CYP2C8: variants seen among roughly 807,000 people sequenced by gnomAD.
The protein encoded by CYP2C8 is cytochrome P450 family 2 subfamily C member 8.
Under a neutral mutation model 41.3 loss-of-function variants are expected in CYP2C8, and 51 were observed. The observed-to-expected ratio is 1.24, with a 90% confidence interval of 0.99 to 1.56. CYP2C8 has a LOEUF of 1.56. Ranked by LOEUF, CYP2C8 falls within the 40% of genes most tolerant of loss-of-function variation. The probability of loss-of-function intolerance (pLI) is 0.00; values close to 1 mark genes in which losing one functional copy is unlikely to be tolerated. For missense variants in CYP2C8, 651 were observed against 579.9 expected, an observed-to-expected ratio of 1.12 and a Z score of -1.26; for synonymous variants, 218 against 205.8, an observed-to-expected ratio of 1.06 and a Z score of -0.51.
chr10:95,060,413 T>C (rs2033402822), intron 4 of CYP2C8, among the ~76,000 whole-genome samples: 1 of 152,218 alleles, frequency 6.6e-6, no homozygotes, highest in South Asian at 2.1e-4. Context: ...CAATTGTGAA[T>C]GGAAGTTCAC....
rs749540194 is a variant in CYP2C8, at chr10:95,069,182, A to G, written c.168+53T>C. 8.1e-6 allele frequency: 13 copies of G among 1,599,250 alleles called. No individual in the cohort carries two copies. The South Asian group carries it at 1.3e-4, about 16-fold the overall frequency. On this transcript the variant is annotated intron_variant, in intron 1 of 8. Transcript: ENST00000371270. ...GGAATATATTTTGTCTAAAAATAGCAGTCAAATAACTTACCCTTTGCAATT... is the reference window on the plus strand; with the variant it reads ...GGAATATATTTTGTCTAAAAATAGCGGTCAAATAACTTACCCTTTGCAATT...
chr10:95,037,745 C>T (rs1386094622), intron 8 of CYP2C8, among the ~76,000 whole-genome samples: 1 of 152,168 alleles, frequency 6.6e-6, no homozygotes, highest in Non-Finnish European at 1.5e-5. Flanking sequence ...AATCTGTTCT[C>T]AGCTCTGGTC....
intron 5 of CYP2C8, among the ~76,000 whole-genome samples, chr10:95,053,140 C>T (rs1283350614): frequency 6.6e-6 from 1 of 152,030 alleles, no homozygotes; most frequent in Non-Finnish European, 1.5e-5. Context: ...TTCTATATTC[C>T]TACAGCGAAC....
intron 1 of CYP2C8, among the ~76,000 whole-genome samples, chr10:95,068,352 C>G (rs993626081): frequency 3.9e-5 from 6 of 152,234 alleles, no homozygotes; most frequent in Non-Finnish European, 8.8e-5. Flanking sequence ...TCTCCAGCAA[C>G]CTTGGCCACA....
chr10:95,045,694 G>T, intron 6 of CYP2C8, 116 bp downstream of exon 6: 1 of 1,265,916 alleles, frequency 7.9e-7, no homozygotes, highest in Non-Finnish European at 1.1e-6. Flanking sequence ...GATTACAGCT[G>T]ATGACACAGA....
intron 5 of CYP2C8, among the ~76,000 whole-genome samples, chr10:95,056,009 C>T (rs2033308931): frequency 6.6e-6 from 1 of 152,070 alleles, no homozygotes; most frequent in South Asian, 2.1e-4. Flanking sequence ...AGGAGAATCA[C>T]TTGAGACCAA....
At position 95,045,869 on chromosome 10, in the gene CYP2C8, G is replaced by A. The variant is rs1317173820; in HGVS notation, c.902C>T (p.Thr301Ile). The A allele has an allele frequency of 3.7e-6, 6 of 1,613,914 alleles. No homozygotes were observed. The highest frequency in any genetic ancestry group is 2.7e-5 in the African/African-American group (2 of 74,918). ...VADLFVAGTE[T>I]TSTTLRYGLL... ...TCCATATCTCAGAGTGGTGCTTGTTGTCTCTGTTCCAGCAACAAATAGATC... is the reference window on the plus strand; with the variant it reads ...TCCATATCTCAGAGTGGTGCTTGTTATCTCTGTTCCAGCAACAAATAGATC... Residue 301 changes from threonine (T) to isoleucine (I), a missense_variant, in exon 6 of 9, where the codon ACA (threonine) becomes ATA (isoleucine). Thr to Ile is a moderately conservative substitution (Grantham distance 89, BLOSUM62 -1). Coordinates refer to ENST00000371270, the MANE Select transcript of CYP2C8 (RefSeq NM_000770.3).
At chr10:95,046,219 A>G (rs1262351364) in intron 5 of CYP2C8, among the ~76,000 whole-genome samples, 2 of 152,214 alleles carry the variant, frequency 1.3e-5, no homozygotes, top group African/African-American at 4.8e-5. Context: ...AAATAAAAGC[A>G]GAAGTATACT....
At chr10:95,039,508 A>G (rs187435700) in intron 7 of CYP2C8, 307 of 174,846 alleles carry the variant, frequency 1.8e-3, no homozygotes, top group African/African-American at 7.1e-3. Context: ...AATAAGAAGT[A>G]AAAACTATTG....
At chr10:95,065,813 A>G (rs1364769777) in intron 3 of CYP2C8, among the ~76,000 whole-genome samples, 1 of 152,192 alleles carries the variant, frequency 6.6e-6, no homozygotes, top group Non-Finnish European at 1.5e-5. Flanking sequence ...CCAAATCTGT[A>G]ATTTTACAGG....
At chr10:95,050,831 A>G (rs1406432012) in intron 5 of CYP2C8, among the ~76,000 whole-genome samples, 2 of 152,106 alleles carry the variant, frequency 1.3e-5, no homozygotes, top group African/African-American at 2.4e-5. Flanking sequence ...AAAATAGGTT[A>G]AGTCCTTTTT....
chr10:95,037,024 G>T lies in CYP2C8; in HGVS notation c.*104C>A. On this transcript the variant is annotated 3_prime_UTR_variant, in exon 9 of 9. Transcript: ENST00000371270. The stretch of plus-strand genomic sequence containing the variant: ...TGCTTATGGGATATTGAGTGAATGG[G>T]AAGATTTGATGAGAGGTCAGAGAAG... The T allele has an allele frequency of 1.8e-6, 2 of 1,098,418 alleles. No individual in the cohort carries two copies. Among genetic ancestry groups the T allele is most frequent in the Non-Finnish European group, 2.8e-6 (2 of 723,566 alleles). The allele number at this position is 1,098,418 out of a possible 1,614,324, so 68.0% of individuals were successfully genotyped here.
At chr10:95,067,068 T>G in intron 3 of CYP2C8, 140 bp downstream of exon 3, 1 of 1,215,502 alleles carries the variant, frequency 8.2e-7, no homozygotes, top group Non-Finnish European at 1.2e-6. Flanking sequence ...GTCTCTGTGC[T>G]TCAAATCTCC....
intron 5 of CYP2C8, among the ~76,000 whole-genome samples, chr10:95,057,492 A>G (rs1057511469): frequency 6.6e-6 from 1 of 152,170 alleles, no homozygotes; most frequent in Non-Finnish European, 1.5e-5. Flanking sequence ...AATGAACACA[A>G]AAAAGCCCAA....
intron 4 of CYP2C8, among the ~76,000 whole-genome samples, chr10:95,063,454 G>A (rs2033485661): frequency 6.6e-6 from 1 of 152,086 alleles, no homozygotes; most frequent in Non-Finnish European, 1.5e-5. Context: ...TTGTGCATGT[G>A]TCACGTAGTT....
In CYP2C8 at chr10:95,058,368, G is replaced by C. The variant is rs1245114032; in HGVS notation, c.786C>G (p.Asp262Glu). The change falls in exon 5 of 9, where the codon GAC (aspartate) becomes GAG (glutamate). Residue 262 changes from aspartate (D) to glutamate (E), a missense_variant. Physicochemically the swap from Asp to Glu is conservative, Grantham distance 45 (BLOSUM62 2). Coordinates refer to ENST00000371270, the MANE Select transcript of CYP2C8 (RefSeq NM_000770.3). ...TTTTGATCAGGAAGCAATCGATAAA[G>C]TCCCGAGGATTGTTAACATCCAGTG... Reference protein sequence around the residue: ...QASLDVNNPRDFIDCFLIKME... With the variant: ...QASLDVNNPREFIDCFLIKME... 4 of 1,613,268 alleles carry C rather than the reference G, an allele frequency of 2.5e-6. No individual in the cohort carries two copies. The highest frequency in any genetic ancestry group is 1.3e-5 in the African/African-American group (1 of 74,876).
intron 4 of CYP2C8, among the ~76,000 whole-genome samples, chr10:95,060,493 T>G (rs1159605681): frequency 6.6e-6 from 1 of 152,256 alleles, no homozygotes; most frequent in African/African-American, 2.4e-5. Context: ...ACATTGATTT[T>G]GTATCCCGAG....
At chr10:95,048,535 G>T (rs752769719) in intron 5 of CYP2C8, among the ~76,000 whole-genome samples, 1 of 152,196 alleles carries the variant, frequency 6.6e-6, no homozygotes, top group Non-Finnish European at 1.5e-5. Flanking sequence ...TACTAGCAAT[G>T]TATTGGGTTT....
chr10:95,057,760 T>C (rs989155040), intron 5 of CYP2C8, among the ~76,000 whole-genome samples: 1 of 152,182 alleles, frequency 6.6e-6, no homozygotes, highest in Non-Finnish European at 1.5e-5. Flanking sequence ...CTCTCACAGG[T>C]TACCTGATAA....
Sources: allele counts gnomAD v4.1 joint callset (sites outside exome capture counted in the v4.1 genomes callset), GRCh38; gene constraint gnomAD v4.1.1; transcripts MANE v1.5; gene names NCBI Gene and HGNC (gene_info 2026-07-23, HGNC 2026-07-21).